Variants in SLC27A2 observed in about 807,000 individuals in gnomAD.
SLC27A2 encodes long-chain fatty acid transport protein 2.
In SLC27A2, 54 loss-of-function variants were observed where a neutral mutation model predicts 60.0. The observed-to-expected ratio is 0.90, with a 90% CI of 0.72 to 1.13. The LOEUF is 1.13. SLC27A2 is among the 50% of genes most tolerant of loss of function. SLC27A2 has a pLI of 0.00. For synonymous variants in SLC27A2, 297 were observed against 297.6 expected, an observed-to-expected ratio of 1.00 and a Z score of 0.02; for missense variants, 739 against 777.6, an observed-to-expected ratio of 0.95 and a Z score of 0.59.
chr15:50,235,837 C>T, intron 9 of SLC27A2, 83 bp from the exon 10 acceptor site: 1 of 1,011,450 alleles, frequency 9.9e-7, no homozygotes, highest in Non-Finnish European at 1.4e-6. Flanking sequence ...TGCTAGATCC[C>T]CATGCCCCAC....
chr15:50,228,586 C>A (rs907758024), intron 7 of SLC27A2, among the ~76,000 whole-genome samples: 4 of 151,820 alleles, frequency 2.6e-5, no homozygotes, highest in African/African-American at 9.7e-5. Flanking sequence ...TAAGTAGCAA[C>A]TGAGTTAGTA....
At chr15:50,193,181 G>A (rs965026947) in intron 1 of SLC27A2, among the ~76,000 whole-genome samples, 5 of 152,112 alleles carry the variant, frequency 3.3e-5, no homozygotes, top group South Asian at 4.1e-4. Context: ...CATCTCCACC[G>A]TCTGCTCATC....
At chr15:50,227,784 C>G (rs1463907240) in intron 7 of SLC27A2, among the ~76,000 whole-genome samples, 1 of 152,182 alleles carries the variant, frequency 6.6e-6, no homozygotes, top group Non-Finnish European at 1.5e-5. Flanking sequence ...CCTGTTCACC[C>G]CCAGCACCTA....
At chr15:50,207,541 A>G (rs941001224) in intron 4 of SLC27A2, among the ~76,000 whole-genome samples, 3 of 152,048 alleles carry the variant, frequency 2.0e-5, no homozygotes, top group African/African-American at 7.2e-5. Flanking sequence ...TCTAATCCCA[A>G]CACTTTGGGA....
intron 8 of SLC27A2, among the ~76,000 whole-genome samples, chr15:50,230,133 C>T (rs2045307159): frequency 6.6e-6 from 1 of 151,210 alleles, no homozygotes; most frequent in African/African-American, 2.4e-5. Flanking sequence ...ACTCGGGAGG[C>T]TGAGGCAGGA....
intron 7 of SLC27A2, 51 bp downstream of exon 7, chr15:50,227,229 C>A: frequency 6.9e-7 from 1 of 1,457,886 alleles, no homozygotes; most frequent in Non-Finnish European, 9.6e-7. Flanking sequence ...CACAGTTTGG[C>A]TTACTCCTAG....
Position 50,202,649 on chromosome 15 carries a change from A to C in SLC27A2, c.847+4A>C, listed in dbSNP as rs1461658108. The C allele has an allele frequency of 6.2e-7, 1 of 1,610,928 alleles. No individual in the cohort carries two copies. Among genetic ancestry groups the C allele is most frequent in the Non-Finnish European group, 8.5e-7 (1 of 1,177,278 alleles). ...ATTCACGGATGTATTGTGGCTGGTA[A>C]GCTTTTTCTACAAAATGTTGGAGGC... On this transcript the variant is annotated splice_donor_region_variant and intron_variant, in intron 3 of 9. Coordinates refer to ENST00000267842, the MANE Select transcript of SLC27A2 (RefSeq NM_003645.4).
At chr15:50,225,086 C>T (rs1046325692) in intron 5 of SLC27A2, among the ~76,000 whole-genome samples, 2 of 151,916 alleles carry the variant, frequency 1.3e-5, no homozygotes, top group Non-Finnish European at 2.9e-5. Flanking sequence ...TTTTTACATT[C>T]CTGCAAATAA....
intron 1 of SLC27A2, among the ~76,000 whole-genome samples, chr15:50,194,504 C>G (rs1384504133): frequency 6.6e-6 from 1 of 152,060 alleles, no homozygotes; most frequent in Non-Finnish European, 1.5e-5. Context: ...CTCCGGTCCT[C>G]CCGAATAAGG....
intron 1 of SLC27A2, among the ~76,000 whole-genome samples, chr15:50,188,906 G>A (rs1267963745): frequency 1.3e-5 from 2 of 152,144 alleles, no homozygotes; most frequent in East Asian, 3.8e-4. Context: ...GTTGCAGTGA[G>A]CCAAGATCAC....
chr15:50,192,626 C>G (rs1288453600), intron 1 of SLC27A2, among the ~76,000 whole-genome samples: 2 of 151,486 alleles, frequency 1.3e-5, no homozygotes, highest in South Asian at 2.1e-4. Flanking sequence ...CTCACTGCAG[C>G]CTTGACCTCC....
At chr15:50,196,546 TAGAG>T (rs2045025260) in intron 1 of SLC27A2, among the ~76,000 whole-genome samples, 1 of 152,166 alleles carries the variant, frequency 6.6e-6, no homozygotes, top group Admixed American at 6.5e-5. Context: ...AAATGATGCT[TAGAG>T]AGGTTAAGAA....
At chr15:50,202,747 G>A in intron 3 of SLC27A2, 102 bp downstream of exon 3, 1 of 1,206,900 alleles carries the variant, frequency 8.3e-7, no homozygotes. Flanking sequence ...GCTAGGAACA[G>A]TTTTCAATTT....
chr15:50,220,154 G>C (rs1231565161), intron 4 of SLC27A2, among the ~76,000 whole-genome samples: 2 of 152,148 alleles, frequency 1.3e-5, no homozygotes, highest in Non-Finnish European at 2.9e-5. Flanking sequence ...TGAGCCCATG[G>C]TGTTGTGATT....
chr15:50,216,218 A>G (rs746956179), intron 4 of SLC27A2, among the ~76,000 whole-genome samples: 3 of 152,190 alleles, frequency 2.0e-5, no homozygotes, highest in African/African-American at 7.2e-5. Context: ...GCTCAACATC[A>G]CTAATGATCA....
At chr15:50,214,106 C>G (rs1401511118) in intron 4 of SLC27A2, among the ~76,000 whole-genome samples, 1 of 151,992 alleles carries the variant, frequency 6.6e-6, no homozygotes, top group Non-Finnish European at 1.5e-5. Flanking sequence ...CAAATAACCT[C>G]ACTAAGAAAC....
chr15:50,210,083 CAG>C (rs1158069829), intron 4 of SLC27A2, among the ~76,000 whole-genome samples: 1 of 152,242 alleles, frequency 6.6e-6, no homozygotes, highest in African/African-American at 2.4e-5. Context: ...AGACTTAAAA[CAG>C]GGGAGTTATT....
At chr15:50,225,591 A>G (rs1212461734) in intron 5 of SLC27A2, among the ~76,000 whole-genome samples, 1 of 152,240 alleles carries the variant, frequency 6.6e-6, no homozygotes, top group Non-Finnish European at 1.5e-5. Context: ...CCAAATACCC[A>G]TTAACAGGAA....
At position 50,225,038 on chromosome 15, in the gene SLC27A2, A is replaced by C. The variant is rs1200298572; in HGVS notation, c.1168-950A>C. On this transcript the variant is annotated intron_variant, in intron 5 of 9. Coordinates refer to ENST00000267842, the MANE Select transcript of SLC27A2 (RefSeq NM_003645.4). ...TTTAAAAACCGGATGATCCCATGCA[A>C]TTGATGTAGAAAAGAACATTTATTA... 3.9e-5 allele frequency among the ~76,000 whole-genome samples: 6 copies of C among 152,206 alleles called. No homozygotes were observed. In the East Asian group the frequency reaches 1.2e-3, roughly 29 times the overall value.
Sources: gnomAD v4.1 joint callset for allele counts (sites outside exome capture counted in the v4.1 genomes callset) on GRCh38, gnomAD v4.1.1 for gene constraint, MANE v1.5 for transcripts, NCBI Gene and HGNC (gene_info 2026-07-23, HGNC 2026-07-21) for gene names.